Variants in MALRD1 observed in about 807,000 individuals in gnomAD.
MALRD1 encodes the protein MAM and LDL-receptor class A domain-containing protein 1.
MALRD1 carries 247 observed loss-of-function variants against 242.1 expected under a neutral mutation model. That is an observed-to-expected ratio of 1.02 (90% confidence interval 0.92 to 1.13). The LOEUF is 1.13. Ranked by LOEUF, MALRD1 falls within the 50% of genes most tolerant of loss-of-function variation. The pLI is 0.00. For missense variants in MALRD1, 2,989 were observed against 2,533.1 expected (o/e 1.18, Z -3.86); for synonymous variants, 995 against 866.6 (o/e 1.15, Z -2.60).
chr10:19,701,282 C>T (rs1364556017), intron 38 of MALRD1, among the ~76,000 whole-genome samples: 3 of 152,048 alleles, frequency 2.0e-5, no homozygotes, highest in Non-Finnish European at 4.4e-5. Context: ...ATCCTCAGAT[C>T]CTTACTCTCA....
chr10:19,554,807 T>C (rs948347199), intron 32 of MALRD1, among the ~76,000 whole-genome samples: 2 of 152,188 alleles, frequency 1.3e-5, no homozygotes, highest in African/African-American at 4.8e-5. Context: ...CAGTCTACCA[T>C]TGACGGGCAT....
intron 31 of MALRD1, among the ~76,000 whole-genome samples, chr10:19,515,623 G>T (rs537203528): frequency 6.6e-6 from 1 of 151,852 alleles, no homozygotes; most frequent in Non-Finnish European, 1.5e-5. Flanking sequence ...ACAGTGGCCC[G>T]ATCTTAGCTC....
chr10:19,524,441 C>T (rs1341550764), intron 31 of MALRD1, among the ~76,000 whole-genome samples: 1 of 151,836 alleles, frequency 6.6e-6, no homozygotes, highest in Non-Finnish European at 1.5e-5. Context: ...TGTGCCACTG[C>T]ACTGCAGCCT....
At chr10:19,642,916 A>G (rs1043718154) in intron 36 of MALRD1, among the ~76,000 whole-genome samples, 1 of 152,188 alleles carries the variant, frequency 6.6e-6, no homozygotes, top group African/African-American at 2.4e-5. Flanking sequence ...CAAAGGGATT[A>G]TTACCACTGG....
chr10:19,601,023 A>G (rs887773466), intron 34 of MALRD1, among the ~76,000 whole-genome samples: 1 of 151,900 alleles, frequency 6.6e-6, no homozygotes, highest in Non-Finnish European at 1.5e-5. Flanking sequence ...CAGCACAGGC[A>G]TGCTCCACCA....
At chr10:19,132,349 C>T (rs555175351) in intron 8 of MALRD1, among the ~76,000 whole-genome samples, 2 of 152,250 alleles carry the variant, frequency 1.3e-5, no homozygotes, top group South Asian at 2.1e-4. Flanking sequence ...CATCCTGATC[C>T]GCCATGAAAG....
chr10:19,555,382 A>AT lies in MALRD1; in HGVS notation c.5479-12115dup, dbSNP rs546903899. 5.3e-5 allele frequency among the ~76,000 whole-genome samples: 8 copies of AT among 152,218 alleles called. No individual in the cohort carries two copies. In the South Asian group the frequency reaches 1.7e-3, roughly 32 times the overall value. ...GATTGGGAAAGCTGGGTAGGACTTC[A>AT]TTTTTACAACCATGGAGGTCAGAGT... On this transcript the variant is annotated intron_variant, in intron 32 of 39. Transcript: ENST00000454679.
chr10:19,257,066 A>T (rs1047063572), intron 18 of MALRD1, among the ~76,000 whole-genome samples: 4 of 152,086 alleles, frequency 2.6e-5, no homozygotes, highest in African/African-American at 9.7e-5. Context: ...GTGGTATTTC[A>T]TATTTTACTA....
chr10:19,559,860 A>G (rs1338597861), intron 32 of MALRD1, among the ~76,000 whole-genome samples: 2 of 152,224 alleles, frequency 1.3e-5, no homozygotes, highest in African/African-American at 2.4e-5. Flanking sequence ...AAAAGAAGAC[A>G]TTTATGAGGC....
At chr10:19,148,784 A>ATATATATATATATAT (rs1309198981) in intron 11 of MALRD1, among the ~76,000 whole-genome samples, 7 of 63,938 alleles carry the variant, frequency 1.1e-4, no homozygotes, top group African/African-American at 2.1e-4. Flanking sequence ...AAAAAAAAAA[A>ATATATATATATATAT]AAAAATATAT....
intron 26 of MALRD1, among the ~76,000 whole-genome samples, chr10:19,355,254 G>T (rs1457819978): frequency 6.6e-6 from 1 of 152,018 alleles, no homozygotes. Flanking sequence ...TATTACAAAG[G>T]AAATAGAGCC....
chr10:19,101,931 A>T (rs951728251), intron 4 of MALRD1, among the ~76,000 whole-genome samples: 1 of 138,628 alleles, frequency 7.2e-6, no homozygotes, highest in South Asian at 2.2e-4. Context: ...ATCTCCAAGT[A>T]GTTTGATTAA....
chr10:19,150,848 C>T (rs1833922483), intron 11 of MALRD1, among the ~76,000 whole-genome samples: 1 of 152,030 alleles, frequency 6.6e-6, no homozygotes, highest in Non-Finnish European at 1.5e-5. Flanking sequence ...CTAGCTGTTC[C>T]CCTATCCAGT....
intron 32 of MALRD1, among the ~76,000 whole-genome samples, chr10:19,543,951 A>G (rs1343465344): frequency 6.6e-6 from 1 of 151,984 alleles, no homozygotes; most frequent in Non-Finnish European, 1.5e-5. Context: ...TATATATCTT[A>G]TCTTTATTTT....
chr10:19,557,745 T>C (rs1016640202), intron 32 of MALRD1, among the ~76,000 whole-genome samples: 2 of 152,134 alleles, frequency 1.3e-5, no homozygotes, highest in African/African-American at 2.4e-5. Context: ...AACCTTGTGT[T>C]GGTTATTCGG....
chr10:19,668,631 T>A (rs1841784618), intron 36 of MALRD1, among the ~76,000 whole-genome samples: 1 of 152,114 alleles, frequency 6.6e-6, no homozygotes, highest in Non-Finnish European at 1.5e-5. Flanking sequence ...CTATTTAATA[T>A]GTGCAGAGTT....
intron 19 of MALRD1, among the ~76,000 whole-genome samples, chr10:19,276,091 T>G (rs985301485): frequency 1.1e-4 from 16 of 152,216 alleles, no homozygotes; most frequent in Admixed American, 4.6e-4. Flanking sequence ...ATTAAAATCT[T>G]TGTCTTAAAC....
At chr10:19,462,302 A>T (rs906702517) in intron 29 of MALRD1, among the ~76,000 whole-genome samples, 1 of 152,158 alleles carries the variant, frequency 6.6e-6, no homozygotes, top group Non-Finnish European at 1.5e-5. Flanking sequence ...TAATCATCCT[A>T]GGTTTAATTA....
chr10:19,066,957 T>C (rs1834999544), intron 2 of MALRD1, 98 bp downstream of exon 2: 1 of 855,684 alleles, frequency 1.2e-6, no homozygotes, highest in South Asian at 6.1e-5. Flanking sequence ...CTTTCTTCCG[T>C]TCCCCACCAC....
Sources: gnomAD v4.1 joint callset for allele counts (sites outside exome capture counted in the v4.1 genomes callset) on GRCh38, gnomAD v4.1.1 for gene constraint, MANE v1.5 for transcripts, NCBI Gene and HGNC (gene_info 2026-07-23, HGNC 2026-07-21) for gene names.